KIFAP3: variants seen among roughly 807,000 people sequenced by gnomAD.
The protein encoded by KIFAP3 is kinesin-associated protein 3.
A neutral mutation model predicts 106.5 loss-of-function variants in KIFAP3; 68 were observed. That is an observed-to-expected ratio of 0.64 (90% confidence interval 0.53 to 0.78). The LOEUF (loss-of-function observed/expected upper bound fraction) is 0.78, where lower values mean the gene tolerates loss of function less well. Among genes scored for constraint, KIFAP3 ranks in the 30% least tolerant of loss-of-function variants. The pLI is 0.00. For missense variants in KIFAP3, 780 were observed against 941.8 expected (o/e 0.83, Z 2.25); for synonymous variants, 320 against 311.5 (o/e 1.03, Z -0.29).
In KIFAP3 at chr1:170,038,438, CAA is replaced by C. The variant is rs1371197270; in HGVS notation, c.376-9_376-8del. On this transcript the variant is annotated splice_region_variant and splice_polypyrimidine_tract_variant and intron_variant, in intron 4 of 19. Coordinates refer to ENST00000361580, the MANE Select transcript of KIFAP3 (RefSeq NM_014970.4). The stretch of plus-strand genomic sequence containing the variant: ...TGTTAGCAACTTCATCAATCTGAAA[CAA>C]AGAGGCAGAAAGTACTCATCAACAA... The C allele has an allele frequency of 3.1e-6, 5 of 1,603,010 alleles. No individual in the cohort carries two copies. The highest frequency in any genetic ancestry group is 3.4e-6 in the Non-Finnish European group (4 of 1,177,000).
intron 1 of KIFAP3, among the ~76,000 whole-genome samples, chr1:170,071,108 A>C (rs2102176330): frequency 6.6e-6 from 1 of 152,346 alleles, no homozygotes; most frequent in Middle Eastern, 3.4e-3. Flanking sequence ...GAGGATACGG[A>C]AAACTGAATT....
chr1:170,046,125 G>T lies in KIFAP3; in HGVS notation c.319+587C>A, dbSNP rs2065950. ...AGTCCAAAACCCTTAAAAACTCTAG[G>T]CCCAAACTTCTCAGGGAGATGGATT... On this transcript the variant is annotated intron_variant, in intron 3 of 19. Transcript: ENST00000361580. Among the ~76,000 whole-genome samples, 3 of 149,076 alleles carry T rather than the reference G, an allele frequency of 2.0e-5. No individual in the cohort carries two copies. In the South Asian group the frequency reaches 6.4e-4, roughly 32 times the overall value.
rs749227446 is a variant in KIFAP3 at position 170,074,441 on chromosome 1, G to A, written c.27C>T (p.Leu9=). 3.7e-6 allele frequency: 6 copies of A among 1,614,050 alleles called. No individual in the cohort carries two copies. The highest frequency in any genetic ancestry group is 5.1e-6 in the Non-Finnish European group (6 of 1,179,964). MQGEDARY[L]KRKVKGGNID... ...GAGCCTTGGGGAGTCGTCACCTTTT[G>A]AGGTATCTGGCGTCCTCCCCTTGCA... Residue 9 remains leucine (L), a synonymous_variant, in exon 1 of 20, where the codon CTC becomes CTT. Transcript: ENST00000361580.
chr1:169,938,549 A>T (rs1200630435), intron 19 of KIFAP3, among the ~76,000 whole-genome samples: 1 of 152,158 alleles, frequency 6.6e-6, no homozygotes, highest in Non-Finnish European at 1.5e-5. Context: ...GGAGTAAGAC[A>T]TCTATGTCTG....
chr1:170,038,998 G>C lies in KIFAP3; in HGVS notation c.375+235C>G, dbSNP rs1275701522. 2.6e-5 allele frequency among the ~76,000 whole-genome samples: 4 copies of C among 152,164 alleles called. No individual in the cohort carries two copies. The East Asian group carries it at 5.8e-4, about 22-fold the overall frequency. ...CTCAGGAGGCTGAGGCAGGAAAATC[G>C]CTTGAACCCGGGAGGCGGAGGTTGT... is the stretch of plus-strand genomic sequence containing the variant. On this transcript the variant is annotated intron_variant, in intron 4 of 19. Transcript: ENST00000361580.
intron 17 of KIFAP3, among the ~76,000 whole-genome samples, chr1:169,969,858 A>AT (rs1665815678): frequency 6.6e-6 from 1 of 151,934 alleles, no homozygotes; most frequent in Non-Finnish European, 1.5e-5. Flanking sequence ...TAGATTGTAA[A>AT]TTTTTATATT....
chr1:169,980,079 T>A (rs990789878), intron 15 of KIFAP3, among the ~76,000 whole-genome samples: 4 of 152,054 alleles, frequency 2.6e-5, no homozygotes, highest in African/African-American at 7.2e-5. Flanking sequence ...AAATAAACTA[T>A]CTTTTGTTCA....
intron 2 of KIFAP3, among the ~76,000 whole-genome samples, chr1:170,054,650 T>C (rs1670749752): frequency 6.6e-6 from 1 of 152,158 alleles, no homozygotes; most frequent in South Asian, 2.1e-4. Context: ...TGAGTTCATG[T>C]CCTTTGCAGT....
At chr1:169,960,495 T>TA (rs1665268696) in intron 18 of KIFAP3, among the ~76,000 whole-genome samples, 1 of 152,100 alleles carries the variant, frequency 6.6e-6, no homozygotes, top group Non-Finnish European at 1.5e-5. Flanking sequence ...AAGGTTATAA[T>TA]ACATGTAAGA....
In KIFAP3 at chr1:170,024,514, C is replaced by T. The variant is rs567947296; in HGVS notation, c.924G>A (p.Leu308=). The change falls in exon 9 of 20, where the codon TTG becomes TTA. Residue 308 remains leucine (L), a synonymous_variant. Transcript: ENST00000361580. The stretch of plus-strand genomic sequence containing the variant: ...AATTGTCCCGATCAAGGGCTTTCAC[C>T]AACATGTGAACTATGTTCTTGTTCC... ...KMRNKNIVHM[L]VKALDRDNFE... 1.2e-6 allele frequency: 2 copies of T among 1,606,780 alleles called. No individual in the cohort carries two copies. The highest frequency in any genetic ancestry group is 2.2e-5 in the South Asian group (2 of 90,108).
At chr1:170,084,538 A>C (rs1027207209) in intron 1 of KIFAP3, among the ~76,000 whole-genome samples, 1 of 152,234 alleles carries the variant, frequency 6.6e-6, no homozygotes, top group Non-Finnish European at 1.5e-5. Flanking sequence ...GCTGGCACAA[A>C]AGGGAATAAT....
At chr1:169,993,863 C>T (rs183680310) in intron 10 of KIFAP3, among the ~76,000 whole-genome samples, 31 of 152,386 alleles carry the variant, frequency 2.0e-4, no homozygotes, top group African/African-American at 7.2e-4. Flanking sequence ...CCAGCCTGGG[C>T]AACAGAGCAA....
chr1:170,076,291 A>G (rs549831488), upstream of KIFAP3, among the ~76,000 whole-genome samples: 1 of 152,336 alleles, frequency 6.6e-6, no homozygotes, highest in East Asian at 1.9e-4. Flanking sequence ...AACCAGAGCA[A>G]TAAATAGATA....
chr1:169,978,255 T>A, intron 15 of KIFAP3, 72 bp from the exon 16 acceptor site: 1 of 971,432 alleles, frequency 1.0e-6, no homozygotes, highest in Non-Finnish European at 1.6e-6. Flanking sequence ...TTGAGGGGAA[T>A]AATATAGAAC....
At chr1:170,056,446 C>A (rs1315035530) in intron 1 of KIFAP3, among the ~76,000 whole-genome samples, 1 of 152,164 alleles carries the variant, frequency 6.6e-6, no homozygotes, top group African/African-American at 2.4e-5. Context: ...CTATTTGCCA[C>A]TTGGCCATTT....
chr1:170,039,994 T>C (rs987404663), intron 3 of KIFAP3, among the ~76,000 whole-genome samples: 7 of 152,094 alleles, frequency 4.6e-5, no homozygotes, highest in Non-Finnish European at 5.9e-5. Flanking sequence ...GTCTAAGTAA[T>C]GTATGTAAAT....
intron 19 of KIFAP3, among the ~76,000 whole-genome samples, chr1:169,932,926 T>C (rs1377137362): frequency 2.0e-5 from 3 of 152,098 alleles, no homozygotes; most frequent in South Asian, 2.1e-4. Flanking sequence ...TGTGTCAATA[T>C]TTTTTAGTCT....
chr1:169,954,515 T>C (rs1374304071), intron 18 of KIFAP3, among the ~76,000 whole-genome samples: 1 of 152,186 alleles, frequency 6.6e-6, no homozygotes, highest in Admixed American at 6.5e-5. Context: ...TAGTTTGGTA[T>C]TGGTAAAGGG....
rs757474986 is a variant in KIFAP3 at position 169,982,713 on chromosome 1, T to C, written c.1661A>G (p.Lys554Arg). 5.7e-6 allele frequency: 9 copies of C among 1,587,466 alleles called. No homozygotes were observed. Among genetic ancestry groups the C allele is most frequent in the Non-Finnish European group, 7.7e-6 (9 of 1,166,662 alleles). The change falls in exon 14 of 20, where the codon AAA becomes AGA. Residue 554 changes from lysine (K) to arginine (R), a missense_variant. This residue lies in a region of KIFAP3 where 588 missense variants were observed against 678.9 expected (regional missense o/e 0.87). Coordinates refer to ENST00000361580, the MANE Select transcript of KIFAP3 (RefSeq NM_014970.4). ...EYKLVPYLKD[K>R]LKPGAAEDDL... is the part of the protein sequence containing the mutation. Reference sequence around the variant, plus strand: ...TACTTAGCACAAACCTGGTTTTAGTTTATCCTTGAGGTATGGAACCAACTT... The same window carrying C: ...TACTTAGCACAAACCTGGTTTTAGTCTATCCTTGAGGTATGGAACCAACTT...
Sources: gnomAD v4.1 joint callset for allele counts (sites outside exome capture counted in the v4.1 genomes callset) on GRCh38, gnomAD v4.1.1 for gene constraint, gnomAD v4.1.1 regional missense constraint, MANE v1.5 for transcripts, NCBI Gene and HGNC (gene_info 2026-07-23, HGNC 2026-07-21) for gene names.